Variants in LDLRAD4 observed in about 807,000 individuals in gnomAD.
The protein encoded by LDLRAD4 is low density lipoprotein receptor class A domain containing 4.
In LDLRAD4, 5 loss-of-function variants were observed where a neutral mutation model predicts 17.0. The ratio of observed to expected loss-of-function variants is 0.29; its 90% CI spans 0.15 to 0.62. LDLRAD4 has a LOEUF of 0.62. LDLRAD4 is among the 20% of genes least tolerant of loss of function. LDLRAD4 has a pLI of 0.84. For missense variants in LDLRAD4, 340 were observed against 424.7 expected (o/e 0.80, Z 1.75); for synonymous variants, 168 against 171.8 (o/e 0.98, Z 0.17).
intron 1 of LDLRAD4, among the ~76,000 whole-genome samples, chr18:13,270,029 T>C (rs996991797): frequency 6.6e-6 from 1 of 152,168 alleles, no homozygotes; most frequent in Admixed American, 6.5e-5. Flanking sequence ...TCTAGAGCCG[T>C]GTCACTGGAC....
chr18:13,367,567 T>C lies in LDLRAD4; in HGVS notation c.-382-19774T>C, dbSNP rs924389952. 1.3e-5 allele frequency among the ~76,000 whole-genome samples: 2 copies of C among 152,260 alleles called. No individual in the cohort carries two copies. Among genetic ancestry groups the C allele is most frequent in the South Asian group, 4.1e-4 (2 of 4,826 alleles). ...TGCTGCAGCAAGGCGGCTGTGGCAGTGCCAAGCGAGTGGACAGAGGGTCTG... is the reference window on the plus strand; with the variant it reads ...TGCTGCAGCAAGGCGGCTGTGGCAGCGCCAAGCGAGTGGACAGAGGGTCTG... On this transcript the variant is annotated intron_variant, in intron 1 of 5. Transcript: ENST00000359446. The surrounding 1 kb of genome is among the most constrained non-coding windows in gnomAD (Gnocchi z 4.1).
At chr18:13,596,939 A>G (rs1401299790) in intron 3 of LDLRAD4, among the ~76,000 whole-genome samples, 2 of 152,200 alleles carry the variant, frequency 1.3e-5, no homozygotes, top group African/African-American at 4.8e-5. Context: ...TTGCCTTTTA[A>G]GTTAATTAAG....
chr18:13,314,705 G>A (rs1204372153), intron 1 of LDLRAD4, among the ~76,000 whole-genome samples: 1 of 152,226 alleles, frequency 6.6e-6, no homozygotes, highest in African/African-American at 2.4e-5. Context: ...CATGGAGCTT[G>A]TGGCAGTCTT....
chr18:13,556,412 C>G (rs1486201486), intron 3 of LDLRAD4, among the ~76,000 whole-genome samples: 2 of 152,188 alleles, frequency 1.3e-5, no homozygotes, highest in South Asian at 2.1e-4. Flanking sequence ...TGCAGTATAT[C>G]TAAGTCTCTT....
chr18:13,625,895 T>A lies in LDLRAD4; in HGVS notation c.336+4624T>A, dbSNP rs75807909. 6.4e-3 allele frequency among the ~76,000 whole-genome samples: 893 copies of A among 139,102 alleles called. 10 individuals carry two copies. Among genetic ancestry groups the A allele is most frequent in the African/African-American group, 0.023 (859 of 37,582 alleles). 91.3% of individuals were successfully genotyped at this position (139,102 alleles called of 152,430 possible). A position where few individuals can be genotyped will look rare whatever the true frequency, so the allele number is the denominator to read the frequency against. ...CTCCTCCCCTCTACCAGCATCCTCC[T>A]GACACTGGCACCTTCCTCCCATGTC... On this transcript the variant is annotated intron_variant, in intron 4 of 5. Coordinates refer to ENST00000359446, the Ensembl canonical transcript of LDLRAD4.
At chr18:13,374,050 C>T (rs2084709622) in intron 1 of LDLRAD4, among the ~76,000 whole-genome samples, 1 of 152,252 alleles carries the variant, frequency 6.6e-6, no homozygotes, top group Non-Finnish European at 1.5e-5. Flanking sequence ...GTTTGATCCT[C>T]AACCACGTGG....
intron 3 of LDLRAD4, among the ~76,000 whole-genome samples, chr18:13,610,293 TTTTTTTTTTTTTG>T (rs1244203798): frequency 0.011 from 728 of 67,540 alleles, 39 homozygotes; most frequent in African/African-American, 0.028. Context: ...TTTTTTTTTT[TTTTTTTTTTTTTG>T]AGACGGAGTC....
At chr18:13,572,107 A>G (rs2094700635) in intron 3 of LDLRAD4, among the ~76,000 whole-genome samples, 1 of 152,224 alleles carries the variant, frequency 6.6e-6, no homozygotes, top group African/African-American at 2.4e-5. Context: ...TCAATCACAA[A>G]AACAAAGTTG....
chr18:13,601,197 A>G (rs1381927221), intron 3 of LDLRAD4, among the ~76,000 whole-genome samples: 1 of 152,228 alleles, frequency 6.6e-6, no homozygotes. Flanking sequence ...GAAATATTTT[A>G]AACGCAGAAA....
At chr18:13,276,123 C>T (rs1206549193), upstream of LDLRAD4, among the ~76,000 whole-genome samples, 1 of 152,166 alleles carries the variant, frequency 6.6e-6, no homozygotes, top group Non-Finnish European at 1.5e-5. Flanking sequence ...GTTCTCATGC[C>T]TCAGCCTCCC....
intron 2 of LDLRAD4, among the ~76,000 whole-genome samples, chr18:13,433,355 T>G (rs2090461199): frequency 6.6e-6 from 1 of 152,236 alleles, no homozygotes; most frequent in Non-Finnish European, 1.5e-5. Flanking sequence ...TCAGTGTTGC[T>G]ATATGAATTT....
chr18:13,569,202 G>A (rs559604642), intron 3 of LDLRAD4, among the ~76,000 whole-genome samples: 4 of 152,274 alleles, frequency 2.6e-5, no homozygotes, highest in African/African-American at 7.2e-5. Context: ...CCACTCCTGG[G>A]GCCTTCCCCA....
At chr18:13,516,465 G>A (rs77301846) in intron 3 of LDLRAD4, among the ~76,000 whole-genome samples, 1,920 of 152,314 alleles carry the variant, frequency 0.013, 39 homozygotes, top group African/African-American at 0.043. Flanking sequence ...CTCTGAGGCC[G>A]TCGGGGAGGG....
chr18:13,232,729 G>T (rs1050261818), intron 1 of LDLRAD4, among the ~76,000 whole-genome samples: 1 of 152,188 alleles, frequency 6.6e-6, no homozygotes, highest in Admixed American at 6.5e-5. Context: ...CGTGTGCGCC[G>T]TTCACACTGG....
rs573838458 is a variant in LDLRAD4 at position 13,367,795 on chromosome 18, G to A, written c.-382-19546G>A. Among the ~76,000 whole-genome samples the A allele has an allele frequency of 5.3e-5, 8 of 151,912 alleles. No homozygotes were observed. Among genetic ancestry groups the A allele is most frequent in the Non-Finnish European group, 1.5e-5 (1 of 67,926 alleles). ...AGGGGACAGCGGGGCCTGGGGGCACGTGCTTTCAGGGGATGTACTGAGAGA... is the reference window on the plus strand; with the variant it reads ...AGGGGACAGCGGGGCCTGGGGGCACATGCTTTCAGGGGATGTACTGAGAGA... On this transcript the variant is annotated intron_variant, in intron 1 of 5. Coordinates refer to ENST00000359446, the Ensembl canonical transcript of LDLRAD4. The surrounding 1 kb of genome is among the most constrained non-coding windows in gnomAD (Gnocchi z 4.1).
intron 3 of LDLRAD4, among the ~76,000 whole-genome samples, chr18:13,601,633 G>C (rs999613587): frequency 7.1e-6 from 1 of 140,390 alleles, no homozygotes; most frequent in Non-Finnish European, 1.5e-5. Flanking sequence ...CAGCCTGGGC[G>C]ACAGAGTGAG....
chr18:13,286,031 T>C (rs2045601774), intron 1 of LDLRAD4, among the ~76,000 whole-genome samples: 1 of 152,176 alleles, frequency 6.6e-6, no homozygotes. Context: ...CCACCATCCA[T>C]TTCCAGAACT....
At chr18:13,503,812 TA>T (rs1260131574) in intron 3 of LDLRAD4, among the ~76,000 whole-genome samples, 4 of 152,096 alleles carry the variant, frequency 2.6e-5, no homozygotes, top group Non-Finnish European at 5.9e-5. Flanking sequence ...AATAATTATT[TA>T]AAAATGACTC....
intron 3 of LDLRAD4, chr18:13,472,103 C>T (rs941688910): frequency 6.6e-6 from 1 of 152,206 alleles, no homozygotes; most frequent in African/African-American, 2.4e-5. Context: ...AACCCCCTCC[C>T]CAGACCGAGG....
Sources: allele counts gnomAD v4.1 joint callset (sites outside exome capture counted in the v4.1 genomes callset), GRCh38; gene constraint gnomAD v4.1.1; non-coding constraint Gnocchi (gnomAD v3.1); transcripts MANE v1.5; gene names NCBI Gene and HGNC (gene_info 2026-07-23, HGNC 2026-07-21).